ACAP2: variants seen among roughly 807,000 people sequenced by gnomAD.
ACAP2 encodes ArfGAP with coiled-coil, ankyrin repeat and PH domains 2.
Under a neutral mutation model 115.8 loss-of-function variants are expected in ACAP2, and 39 were observed. The ratio of observed to expected loss-of-function variants is 0.34; its 90% confidence interval spans 0.26 to 0.44. ACAP2 has a LOEUF of 0.44. Ranked by LOEUF, ACAP2 falls within the 20% of genes least tolerant of loss-of-function variation. ACAP2 has a pLI of 1.00. For missense variants in ACAP2, 662 were observed against 927.6 expected (o/e 0.71, Z 3.72); for synonymous variants, 289 against 315.8 (o/e 0.92, Z 0.90).
intron 2 of ACAP2, among the ~76,000 whole-genome samples, chr3:195,387,807 TGAA>T (rs1234018303): frequency 6.6e-6 from 1 of 152,248 alleles, no homozygotes; most frequent in African/African-American, 2.4e-5. Flanking sequence ...AACAGTCTGT[TGAA>T]GAGACAGCAT....
At chr3:195,393,411 A>G (rs1407955547) in intron 1 of ACAP2, among the ~76,000 whole-genome samples, 3 of 152,224 alleles carry the variant, frequency 2.0e-5, no homozygotes, top group African/African-American at 7.2e-5. Context: ...ACTGGGTAAC[A>G]TTTATTTTTA....
At chr3:195,415,996 A>T (rs1713691258) in intron 1 of ACAP2, among the ~76,000 whole-genome samples, 1 of 152,174 alleles carries the variant, frequency 6.6e-6, no homozygotes, top group South Asian at 2.1e-4. Context: ...AATAAGAAGA[A>T]AATATAAATA....
chr3:195,440,948 AC>A (rs1379095109), intron 1 of ACAP2, among the ~76,000 whole-genome samples: 1 of 152,196 alleles, frequency 6.6e-6, no homozygotes, highest in African/African-American at 2.4e-5. Flanking sequence ...ATTTTAATTA[AC>A]ATAGAATTTA....
At chr3:195,394,116 T>C (rs1426377985) in intron 1 of ACAP2, among the ~76,000 whole-genome samples, 1 of 152,048 alleles carries the variant, frequency 6.6e-6, no homozygotes, top group Non-Finnish European at 1.5e-5. Flanking sequence ...CCAAACACCA[T>C]CTCCCCAAGA....
Position 195,336,981 on chromosome 3 carries a change from G to A in ACAP2, c.529-5C>T. The A allele has an allele frequency of 6.2e-7, 1 of 1,609,674 alleles. No individual in the cohort carries two copies. ...TTTTGATTGAAGAACATTAATCTGA[G>A]GGAAAACACACGTGGTTAATCACCC... On this transcript the variant is annotated splice_polypyrimidine_tract_variant and splice_region_variant and intron_variant, in intron 6 of 22. Transcript: ENST00000326793.
chr3:195,322,068 G>A (rs535666419), intron 9 of ACAP2, among the ~76,000 whole-genome samples: 31 of 152,164 alleles, frequency 2.0e-4, no homozygotes, highest in East Asian at 5.8e-4. Flanking sequence ...TTCTTCTAGC[G>A]TTCTAATTAT....
chr3:195,404,792 A>G (rs1712609449), intron 1 of ACAP2, among the ~76,000 whole-genome samples: 1 of 147,838 alleles, frequency 6.8e-6, no homozygotes, highest in African/African-American at 2.5e-5. Flanking sequence ...ATTATAATAT[A>G]TAATTTTTTC....
chr3:195,433,268 CTATT>C (rs760245327), intron 1 of ACAP2, among the ~76,000 whole-genome samples: 1 of 152,026 alleles, frequency 6.6e-6, no homozygotes, highest in Non-Finnish European at 1.5e-5. Flanking sequence ...AGTTGTTATA[CTATT>C]TATTTGTACT....
intron 13 of ACAP2, among the ~76,000 whole-genome samples, chr3:195,304,563 A>G (rs776826696): frequency 7.9e-5 from 12 of 152,182 alleles, no homozygotes; most frequent in Non-Finnish European, 1.5e-5. Context: ...CACAAACACA[A>G]TGACTGGAAG....
intron 2 of ACAP2, among the ~76,000 whole-genome samples, chr3:195,388,739 G>A (rs868496519): frequency 1.1e-4 from 16 of 152,108 alleles, no homozygotes; most frequent in Admixed American, 4.6e-4. Flanking sequence ...TTAACAATTT[G>A]AGCTGGGCAT....
chr3:195,427,856 A>G (rs1488463405), intron 1 of ACAP2, among the ~76,000 whole-genome samples: 3 of 152,106 alleles, frequency 2.0e-5, no homozygotes, highest in Non-Finnish European at 4.4e-5. Flanking sequence ...GCAGTGAGAC[A>G]AGATAACACC....
intron 1 of ACAP2, among the ~76,000 whole-genome samples, chr3:195,396,780 G>A (rs1412830917): frequency 1.0e-5 from 1 of 98,772 alleles, no homozygotes; most frequent in Non-Finnish European, 1.8e-5. Flanking sequence ...GAGTGAGACT[G>A]TGTCTCAAAA....
intron 17 of ACAP2, chr3:195,295,491 C>T: frequency 3.2e-6 from 2 of 620,704 alleles, no homozygotes; most frequent in Non-Finnish European, 5.5e-6. Flanking sequence ...CAGTTTTATT[C>T]CTTAGAATAT....
At position 195,312,086 on chromosome 3, in the gene ACAP2, G is replaced by A. The variant is rs557599678; in HGVS notation, c.858-3249C>T. On this transcript the variant is annotated intron_variant, in intron 10 of 22. Coordinates refer to ENST00000326793, the MANE Select transcript of ACAP2 (RefSeq NM_012287.6). ...GAAAAAATACATAAACAAAAAATTC[G>A]AGTTATCTTTTACCATGTTTGATCA... is the stretch of plus-strand genomic sequence containing the variant. Among the ~76,000 whole-genome samples the A allele has an allele frequency of 8.6e-5, 13 of 151,790 alleles. No individual in the cohort carries two copies. The South Asian group carries it at 1.9e-3, about 22-fold the overall frequency.
At chr3:195,383,633 T>C (rs1314367320) in intron 2 of ACAP2, among the ~76,000 whole-genome samples, 2 of 148,284 alleles carry the variant, frequency 1.3e-5, no homozygotes, top group African/African-American at 4.9e-5. Context: ...TCAAATACTA[T>C]GCAAAAAAAA....
At chr3:195,314,465 C>T (rs1016562854) in intron 10 of ACAP2, among the ~76,000 whole-genome samples, 1 of 151,980 alleles carries the variant, frequency 6.6e-6, no homozygotes, top group Non-Finnish European at 1.5e-5. Context: ...ACAGGGTTCT[C>T]GCCATGTTGG....
intron 7 of ACAP2, chr3:195,336,690 T>G (rs1012354815): frequency 2.4e-6 from 1 of 416,686 alleles, no homozygotes; most frequent in African/African-American, 2.1e-5. Context: ...AACAAAAACA[T>G]AACAGTATAG....
chr3:195,305,015 A>G (rs1192527143), intron 13 of ACAP2, among the ~76,000 whole-genome samples: 3 of 152,254 alleles, frequency 2.0e-5, no homozygotes, highest in Non-Finnish European at 2.9e-5. Flanking sequence ...TACCTAAGCA[A>G]TGGGGGTTTT....
rs755096913 is a variant in ACAP2, at chr3:195,307,341, A to G, written c.910-18T>C. ...GGATTATCCTATAGTGAGGAAACCA[A>G]ATTTCCATATTTTTCCACTTAGGTT... On this transcript the variant is annotated intron_variant, in intron 11 of 22. Transcript: ENST00000326793. The G allele has an allele frequency of 6.5e-7, 1 of 1,542,784 alleles. No individual in the cohort carries two copies.
Sources: gnomAD v4.1 joint callset for allele counts (sites outside exome capture counted in the v4.1 genomes callset) on GRCh38, gnomAD v4.1.1 for gene constraint, MANE v1.5 for transcripts, NCBI Gene and HGNC (gene_info 2026-07-23, HGNC 2026-07-21) for gene names.